TJP1: variants seen among roughly 807,000 people sequenced by gnomAD.
The protein encoded by TJP1 is tight junction protein ZO-1.
TJP1 carries 43 observed loss-of-function variants against 194.2 expected under a neutral mutation model. The observed-to-expected ratio is 0.22, with a 90% CI of 0.17 to 0.29. TJP1 has a LOEUF of 0.29. TJP1 is among the 10% of genes least tolerant of loss of function. TJP1 has a pLI of 1.00. For synonymous variants in TJP1, 801 were observed against 779.0 expected (o/e 1.03, Z -0.47); for missense variants, 1,971 against 2,185.7 (o/e 0.90, Z 1.96).
intron 4 of TJP1, among the ~76,000 whole-genome samples, chr15:29,768,322 T>G (rs2151597093): frequency 6.6e-6 from 1 of 152,328 alleles, no homozygotes; most frequent in African/African-American, 2.4e-5. Context: ...ACAGCTGAAG[T>G]CCTTATAGGG....
At chr15:29,834,044 G>C (rs1395927498) in intron 2 of TJP1, among the ~76,000 whole-genome samples, 1 of 142,876 alleles carries the variant, frequency 7.0e-6, no homozygotes, top group Non-Finnish European at 1.5e-5. Flanking sequence ...ACCACGCCCG[G>C]CTAATTTTTT....
chr15:29,772,167 C>CTA lies in TJP1; in HGVS notation c.210-3_210-2dup. 6.3e-7 allele frequency: 1 copy of CTA among 1,588,230 alleles called. No homozygotes were observed. ...AACCATTGCAACTCGGTCATTTTCCCTAAGGGGAAAAGGGCACAAAATAAT... is the reference window on the plus strand; with the variant it reads ...AACCATTGCAACTCGGTCATTTTCCCTATAAGGGGAAAAGGGCACAAAATAAT... On this transcript the variant is annotated splice_acceptor_variant, in intron 3 of 27. Coordinates refer to ENST00000614355, the MANE Select transcript of TJP1 (RefSeq NM_001330239.4). LOFTEE classifies it high-confidence loss of function.
intron 8 of TJP1, among the ~76,000 whole-genome samples, chr15:29,751,181 G>A (rs1232423912): frequency 2.6e-5 from 4 of 152,328 alleles, no homozygotes; most frequent in South Asian, 4.1e-4. Context: ...AGAGATACAG[G>A]GCTGGTACTT....
chr15:29,913,444 T>C (rs546296491), intron 2 of TJP1, among the ~76,000 whole-genome samples: 1 of 152,344 alleles, frequency 6.6e-6, no homozygotes, highest in East Asian at 1.9e-4. Flanking sequence ...CAATATTGTG[T>C]ATGTGCACAC....
chr15:29,794,752 G>A (rs2048299296), intron 2 of TJP1, among the ~76,000 whole-genome samples: 9 of 152,190 alleles, frequency 5.9e-5, no homozygotes. Flanking sequence ...AGGAAAAGAT[G>A]TAATGTGGTA....
At chr15:29,726,288 T>C in intron 18 of TJP1, 91 bp downstream of exon 18, 1 of 1,075,304 alleles carries the variant, frequency 9.3e-7, no homozygotes, top group South Asian at 1.4e-5. Context: ...AATATGTTGA[T>C]CTAATTAGAA....
chr15:29,935,467 T>C (rs1004628751), intron 2 of TJP1, among the ~76,000 whole-genome samples: 7 of 152,104 alleles, frequency 4.6e-5, no homozygotes, highest in Admixed American at 3.3e-4. Context: ...AAATTAGCCA[T>C]GACTAGGACA....
intron 1 of TJP1, among the ~76,000 whole-genome samples, chr15:29,958,291 GT>G (rs34187703): frequency 0.21 from 29,256 of 140,940 alleles, 3,186 homozygotes; most frequent in East Asian, 0.5. Flanking sequence ...TCTCTTTTTA[GT>G]TTTTTTTTTT....
chr15:29,912,542 T>C (rs1159346622), intron 2 of TJP1, among the ~76,000 whole-genome samples: 3 of 151,868 alleles, frequency 2.0e-5, no homozygotes, highest in African/African-American at 7.3e-5. Flanking sequence ...ACCATGTCTC[T>C]ACTAAAATAC....
chr15:29,800,006 T>C (rs2048679360), intron 2 of TJP1, among the ~76,000 whole-genome samples: 1 of 152,216 alleles, frequency 6.6e-6, no homozygotes, highest in South Asian at 2.1e-4. Context: ...TGGTAAAGCA[T>C]GAACTGGTGT....
chr15:29,950,708 C>T (rs528399250), intron 2 of TJP1, among the ~76,000 whole-genome samples: 23 of 152,272 alleles, frequency 1.5e-4, no homozygotes, highest in South Asian at 4.1e-4. Context: ...TTCTTTCTAC[C>T]GTGTTCTCAC....
At chr15:29,855,551 A>G (rs2051813975) in intron 2 of TJP1, among the ~76,000 whole-genome samples, 1 of 152,214 alleles carries the variant, frequency 6.6e-6, no homozygotes, top group South Asian at 2.1e-4. Flanking sequence ...AAAGTGAGAA[A>G]GAAAAGATTT....
chr15:29,796,382 C>A (rs1252743071), intron 2 of TJP1, among the ~76,000 whole-genome samples: 1 of 132,666 alleles, frequency 7.5e-6, no homozygotes, highest in African/African-American at 2.8e-5. Context: ...TACACAGTAA[C>A]AAGGAACAAT....
chr15:29,909,399 T>C (rs1171967380), intron 2 of TJP1, among the ~76,000 whole-genome samples: 1 of 149,238 alleles, frequency 6.7e-6, no homozygotes, highest in Non-Finnish European at 1.5e-5. Flanking sequence ...AACTTCCAGC[T>C]ATTGTGGTCT....
chr15:29,949,795 CACCACAACCATCTTCACCACTGCT>C, intron 2 of TJP1, among the ~76,000 whole-genome samples: 2 of 98,642 alleles, frequency 2.0e-5, no homozygotes, highest in Non-Finnish European at 2.1e-5. Context: ...CCACCACCTC[CACCACAACCATCTTCACCACTGCT>C]ACCTCCACCA....
intron 2 of TJP1, among the ~76,000 whole-genome samples, chr15:29,786,479 A>T (rs1255057486): frequency 6.6e-6 from 1 of 152,148 alleles, no homozygotes; most frequent in Non-Finnish European, 1.5e-5. Context: ...ATGAGTTCTT[A>T]ATTTCAGAAA....
At chr15:29,896,938 T>A (rs1450683177) in intron 2 of TJP1, among the ~76,000 whole-genome samples, 1 of 152,090 alleles carries the variant, frequency 6.6e-6, no homozygotes, top group Non-Finnish European at 1.5e-5. Context: ...AAGCAGAGCA[T>A]AAAATTTCAG....
intron 1 of TJP1, among the ~76,000 whole-genome samples, chr15:29,966,254 G>T (rs983526651): frequency 6.6e-6 from 1 of 152,124 alleles, no homozygotes; most frequent in Non-Finnish European, 1.5e-5. Flanking sequence ...TGTAATCCCA[G>T]CACTTTGGAA....
At chr15:29,725,525 T>G (rs1267248841) in intron 18 of TJP1, among the ~76,000 whole-genome samples, 1 of 152,036 alleles carries the variant, frequency 6.6e-6, no homozygotes, top group African/African-American at 2.4e-5. Context: ...ACTCTCAATC[T>G]TCCCTAATAA....
Sources: gnomAD v4.1 joint callset for allele counts (sites outside exome capture counted in the v4.1 genomes callset) on GRCh38, gnomAD v4.1.1 for gene constraint, MANE v1.5 for transcripts, NCBI Gene and HGNC (gene_info 2026-07-23, HGNC 2026-07-21) for gene names.